TUB: variants seen among roughly 807,000 people sequenced by gnomAD.
TUB encodes the protein TUB bipartite transcription factor, also known as tubby protein homolog.
TUB carries 33 observed loss-of-function variants against 59.7 expected under a neutral mutation model. The ratio of observed to expected loss-of-function variants is 0.55; its 90% CI spans 0.42 to 0.74. The LOEUF (loss-of-function observed/expected upper bound fraction) is 0.74. TUB is among the 30% of genes least tolerant of loss of function. The pLI is 0.00. For synonymous variants in TUB, 293 were observed against 256.4 expected (o/e 1.14, Z -1.36); for missense variants, 659 against 672.0 (o/e 0.98, Z 0.21).
At position 8,090,090 on chromosome 11, in the gene TUB, CAGA is replaced by C. The variant is rs749961508; in HGVS notation, c.121_123del (p.Lys41del). 6.3e-5 allele frequency: 101 copies of C among 1,610,658 alleles called. No homozygotes were observed. The highest frequency in any genetic ancestry group is 1.6e-4 in the Middle Eastern group (1 of 6,074). ...ATAGCGGGCCCTGCTGGAGCAGAAG[CAGA>C]AGAAGAAGCGCCAGGAGCCCCTGAT... On this transcript the variant is annotated inframe_deletion, in exon 3 of 12. Coordinates refer to ENST00000299506, the MANE Select transcript of TUB (RefSeq NM_177972.3).
At chr11:8,065,137 A>AAGGACCCT (rs1467644273) in intron 2 of TUB, among the ~76,000 whole-genome samples, 1 of 152,198 alleles carries the variant, frequency 6.6e-6, no homozygotes, top group Admixed American at 6.5e-5. Context: ...TGGACTTGGG[A>AAGGACCCT]AGGACCCTGT....
chr11:8,090,446 G>T lies in TUB; in HGVS notation c.253+215G>T, dbSNP rs535689718. 1.8e-4 allele frequency among the ~76,000 whole-genome samples: 27 copies of T among 152,328 alleles called. No individual in the cohort carries two copies. In the East Asian group the frequency reaches 3.9e-3, roughly 22 times the overall value. ...CTCCAGCTGACACCTCCTGAATCAG[G>T]CACTGAGGCCAGAAGCCTAAACCTT... is the stretch of plus-strand genomic sequence containing the variant. On this transcript the variant is annotated intron_variant, in intron 3 of 11. Transcript: ENST00000299506.
chr11:8,081,720 T>C (rs1943568415), intron 1 of TUB, among the ~76,000 whole-genome samples, 172 bp downstream of exon 1: 2 of 152,100 alleles, frequency 1.3e-5, no homozygotes, highest in Non-Finnish European at 2.9e-5. Flanking sequence ...CCCTGCGGAC[T>C]GCTCCCGCCT....
intron 1 of TUB, among the ~76,000 whole-genome samples, chr11:8,088,677 C>G (rs1589960919): frequency 2.0e-5 from 3 of 152,368 alleles, no homozygotes; most frequent in South Asian, 2.1e-4. Flanking sequence ...TCACCTCATG[C>G]AGCTGTCCAC....
intron 4 of TUB, 109 bp downstream of exon 4, chr11:8,094,298 A>G (rs562010115): frequency 2.2e-6 from 3 of 1,378,792 alleles, no homozygotes; most frequent in Middle Eastern, 2.4e-4. Context: ...GAACAGCCTC[A>G]GGGAAGACAC....
At chr11:8,090,493 A>C (rs1943751360) in intron 3 of TUB, among the ~76,000 whole-genome samples, 1 of 152,250 alleles carries the variant, frequency 6.6e-6, no homozygotes, top group Non-Finnish European at 1.5e-5. Context: ...GGAGTTCAGA[A>C]GTCCAAGTTT....
intron 4 of TUB, 112 bp from the exon 5 acceptor site, chr11:8,095,386 A>T: frequency 1.7e-6 from 2 of 1,148,784 alleles, no homozygotes; most frequent in Admixed American, 2.7e-5. Flanking sequence ...TTGCAAATAA[A>T]GTTTTGCAGA....
At chr11:8,023,187 A>G (rs746028852) in intron 1 of TUB, among the ~76,000 whole-genome samples, 1 of 152,210 alleles carries the variant, frequency 6.6e-6, no homozygotes. Context: ...CCAGTGAGAC[A>G]GCAGAAGCTG....
chr11:8,088,723 T>G (rs1470108998), intron 1 of TUB, among the ~76,000 whole-genome samples: 1 of 152,248 alleles, frequency 6.6e-6, no homozygotes, highest in Non-Finnish European at 1.5e-5. Flanking sequence ...CTAGGTCTCA[T>G]GCATGTGTCT....
chr11:8,079,681 TAG>T (rs71943105), upstream of TUB, among the ~76,000 whole-genome samples: 2,887 of 72,436 alleles, frequency 0.04, 107 homozygotes, highest in African/African-American at 0.081. Flanking sequence ...TAGGTGTGTG[TAG>T]GTGTGCGTGT....
chr11:8,100,671 A>T, intron 10 of TUB, 70 bp downstream of exon 10: 1 of 1,550,730 alleles, frequency 6.4e-7, no homozygotes, highest in Non-Finnish European at 8.9e-7. Context: ...TAAGGGCAGA[A>T]CTCCAGCTGA....
intron 9 of TUB, among the ~76,000 whole-genome samples, chr11:8,099,864 G>C (rs938630817): frequency 3.3e-5 from 5 of 152,200 alleles, no homozygotes; most frequent in African/African-American, 1.2e-4. Context: ...TGAATGCCTG[G>C]CATGAAGAAG....
upstream of TUB, among the ~76,000 whole-genome samples, chr11:8,079,479 C>A (rs1487562229): frequency 2.0e-5 from 3 of 152,142 alleles, no homozygotes; most frequent in Non-Finnish European, 2.9e-5. Flanking sequence ...GCCTTCTGCA[C>A]CCCACTCCCA....
At position 8,101,835 on chromosome 11, in the gene TUB, GATGAGAATAA is replaced by G; in HGVS notation, c.*217_*226del. 8.6e-6 allele frequency: 6 copies of G among 696,546 alleles called. No individual in the cohort carries two copies. The highest frequency in any genetic ancestry group is 6.2e-5 in the South Asian group (3 of 48,440). The allele number at this position is 696,546 out of a possible 1,614,324, so 43.1% of individuals were successfully genotyped here. On this transcript the variant is annotated 3_prime_UTR_variant, in exon 12 of 12. Coordinates refer to ENST00000299506, the MANE Select transcript of TUB (RefSeq NM_177972.3). ...GAGAGCGGGTGGGTGGGTGTGAAGG[GATGAGAATAA>G]TTCTTTCCATGCCACGAGATCAACA...
At chr11:8,034,561 G>T (rs531565214), upstream of TUB, among the ~76,000 whole-genome samples, 3 of 152,166 alleles carry the variant, frequency 2.0e-5, no homozygotes, top group Non-Finnish European at 4.4e-5. Flanking sequence ...GCTCACCAGG[G>T]TAATTATTGG....
chr11:8,072,900 G>A (rs951425988), intron 2 of TUB, among the ~76,000 whole-genome samples: 1 of 152,178 alleles, frequency 6.6e-6, no homozygotes, highest in African/African-American at 2.4e-5. Flanking sequence ...TCAGAGTTGA[G>A]TAAACTATAA....
chr11:8,057,492 T>C (rs1943038443), intron 2 of TUB, among the ~76,000 whole-genome samples: 1 of 152,232 alleles, frequency 6.6e-6, no homozygotes, highest in Admixed American at 6.5e-5. Flanking sequence ...TATGTGTAAG[T>C]GTGCATTCGT....
chr11:8,068,642 T>C (rs549233752), intron 2 of TUB: 1 of 152,542 alleles, frequency 6.6e-6, no homozygotes, highest in East Asian at 1.9e-4. Context: ...TATCCTTTAA[T>C]ACCCAGCCTC....
intron 2 of TUB, among the ~76,000 whole-genome samples, chr11:8,066,536 T>G (rs192767702): frequency 6.6e-6 from 1 of 152,154 alleles, no homozygotes; most frequent in East Asian, 1.9e-4. Flanking sequence ...GTACAGAGGG[T>G]CCAGACAACC....
Sources: gnomAD v4.1 joint callset for allele counts (sites outside exome capture counted in the v4.1 genomes callset) on GRCh38, gnomAD v4.1.1 for gene constraint, MANE v1.5 for transcripts, NCBI Gene and HGNC (gene_info 2026-07-23, HGNC 2026-07-21) for gene names.